TNFRSF14: variants seen among roughly 807,000 people sequenced by gnomAD.
The protein encoded by TNFRSF14 is tumor necrosis factor receptor superfamily member 14.
A neutral mutation model predicts 34.1 loss-of-function variants in TNFRSF14; 18 were observed. The observed-to-expected ratio is 0.53, with a 90% CI of 0.36 to 0.78. TNFRSF14 has a LOEUF of 0.78. Ranked by LOEUF, TNFRSF14 falls within the 30% of genes least tolerant of loss-of-function variation. The probability of loss-of-function intolerance (pLI) is 0.00; values close to 1 mark genes in which losing one functional copy is unlikely to be tolerated. For missense variants in TNFRSF14, 352 were observed against 379.5 expected, an observed-to-expected ratio of 0.93 and a Z score of 0.60; for synonymous variants, 157 against 153.2, an observed-to-expected ratio of 1.02 and a Z score of -0.18.
At chr1:2,559,026 T>C in intron 3 of TNFRSF14, 3 of 1,368,704 alleles carry the variant, frequency 2.2e-6, no homozygotes, top group Non-Finnish European at 2.9e-6. Context: ...CCAACGGCTC[T>C]GTCCCCTTGG....
intron 3 of TNFRSF14, 105 bp from the exon 4 acceptor site, chr1:2,559,718 G>A: frequency 6.5e-7 from 1 of 1,537,352 alleles, no homozygotes; most frequent in Non-Finnish European, 8.7e-7. Context: ...GTTCAGCCTG[G>A]CAGGGCGCCC....
At chr1:2,556,354 C>T (rs774102845), upstream of TNFRSF14, 9 of 638,072 alleles carry the variant, frequency 1.4e-5, no homozygotes, top group Admixed American at 4.2e-5. Flanking sequence ...TCGCCCCTCC[C>T]ATCGGGCGCC....
chr1:2,560,800 C>A lies in TNFRSF14; in HGVS notation c.551+86C>A, dbSNP rs1644297694. On this transcript the variant is annotated intron_variant, in intron 5 of 7. Transcript: ENST00000355716. ...CCTGGGAGATGACCGTCTTCTCCAG[C>A]AGAAAGGCTTGAAGGTCCCACCCTG... The A allele has an allele frequency of 3.8e-6, 5 of 1,301,384 alleles. No individual in the cohort carries two copies. The Admixed American group carries it at 5.9e-5, about 15-fold the overall frequency. 80.6% of individuals were successfully genotyped at this position (1,301,384 alleles called of 1,614,324 possible).
At chr1:2,556,105 G>T, upstream of TNFRSF14, 1 of 355,976 alleles carries the variant, frequency 2.8e-6, no homozygotes, top group Non-Finnish European at 5.5e-6. Flanking sequence ...ACTGAAATTG[G>T]CCAGACCGCA....
rs562107361 is a variant in TNFRSF14, at chr1:2,557,869, G to A, written c.178+35G>A. ...GCCCTTTGGCGGGCCAGCTCTGTGG[G>A]CCGAGGGCAGACACTCTTGCCCCCT... On this transcript the variant is annotated intron_variant, in intron 2 of 7. Coordinates refer to ENST00000355716, the MANE Select transcript of TNFRSF14 (RefSeq NM_003820.4). 3.3e-6 allele frequency: 5 copies of A among 1,532,128 alleles called. No homozygotes were observed. In the South Asian group the frequency reaches 4.7e-5, roughly 14 times the overall value. 94.9% of individuals were successfully genotyped at this position (1,532,128 alleles called of 1,614,324 possible). A position where few individuals can be genotyped will look rare whatever the true frequency, so the allele number is the denominator to read the frequency against.
chr1:2,558,381 A>G lies in TNFRSF14; in HGVS notation c.217A>G (p.Thr73Ala). Reference sequence around the variant, plus strand: ...GGAGGCCTGCGGGGAGCTGACGGGCACAGTGTGTGAACCCTGCCCTCCAGG... The same window carrying G: ...GGAGGCCTGCGGGGAGCTGACGGGCGCAGTGTGTGAACCCTGCCCTCCAGG... Reference protein sequence around the residue: ...VKEACGELTGTVCEPCPPGTY... With the variant: ...VKEACGELTGAVCEPCPPGTY... Residue 73 changes from threonine to alanine, a missense_variant, in exon 3 of 8, where the codon ACA (threonine) becomes GCA (alanine). By Grantham distance (58) the Thr-to-Ala change is moderately conservative. Coordinates refer to ENST00000355716, the MANE Select transcript of TNFRSF14 (RefSeq NM_003820.4). 1 of 1,612,514 alleles carries G rather than the reference A, an allele frequency of 6.2e-7. No individual in the cohort carries two copies. Among genetic ancestry groups the G allele is most frequent in the Admixed American group, 1.7e-5 (1 of 59,686 alleles).
chr1:2,558,361 C>A lies in TNFRSF14; in HGVS notation c.197C>A (p.Ala66Asp), dbSNP rs1445786232. 1 of 1,608,670 alleles carries A rather than the reference C, an allele frequency of 6.2e-7. No individual in the cohort carries two copies. Among genetic ancestry groups the A allele is most frequent in the Non-Finnish European group, 8.5e-7 (1 of 1,178,134 alleles). The part of the protein sequence containing the change: ...KCSPGYRVKE[A>D]CGELTGTVCE... ...GCGGCAGGTTATCGTGTGAAGGAGG[C>A]CTGCGGGGAGCTGACGGGCACAGTG... The change falls in exon 3 of 8, where the codon GCC (alanine) becomes GAC (aspartate). Residue 66 changes from alanine to aspartate, a missense_variant. Physicochemically the swap from Ala to Asp is moderately radical, Grantham distance 126. Coordinates refer to ENST00000355716, the MANE Select transcript of TNFRSF14 (RefSeq NM_003820.4).
At position 2,563,383 on chromosome 1, in the gene TNFRSF14, G is replaced by A. The variant is rs1644340593; in HGVS notation, c.*110G>A. ...CCCGGAGGCTTGGGGGCTCCGCCCTGGGCTGGCTTCCGTCTCCTCCAGTGG... is the reference window on the plus strand; with the variant it reads ...CCCGGAGGCTTGGGGGCTCCGCCCTAGGCTGGCTTCCGTCTCCTCCAGTGG... On this transcript the variant is annotated 3_prime_UTR_variant, in exon 8 of 8. Transcript: ENST00000355716. The A allele has an allele frequency of 3.9e-6, 6 of 1,528,196 alleles. No individual in the cohort carries two copies. In the South Asian group the frequency reaches 7.5e-5, roughly 19 times the overall value. 94.7% of individuals were successfully genotyped at this position (1,528,196 alleles called of 1,614,324 possible).
chr1:2,559,562 G>T, intron 3 of TNFRSF14: 1 of 1,524,004 alleles, frequency 6.6e-7, no homozygotes, highest in Non-Finnish European at 8.8e-7. Context: ...TGGGCAGAAG[G>T]CTGGTTTCTC....
chr1:2,562,082 T>C, intron 6 of TNFRSF14: 1 of 524,868 alleles, frequency 1.9e-6, no homozygotes, highest in Non-Finnish European at 3.4e-6. Flanking sequence ...CCTGTGCTCC[T>C]GCCTGCCCCC....
intron 2 of TNFRSF14, 53 bp from the exon 3 acceptor site, chr1:2,558,290 C>T: frequency 1.3e-6 from 2 of 1,554,826 alleles, no homozygotes; most frequent in Non-Finnish European, 1.7e-6. Context: ...GATGGGTGGG[C>T]TCCCGAAGGG....
upstream of TNFRSF14, chr1:2,556,262 G>A: frequency 1.9e-6 from 1 of 522,278 alleles, no homozygotes; most frequent in East Asian, 3.9e-5. Flanking sequence ...TGTGAGTGAG[G>A]TGGGGAAACA....
At chr1:2,562,137 G>C in intron 6 of TNFRSF14, 1 of 412,222 alleles carries the variant, frequency 2.4e-6, no homozygotes, top group South Asian at 4.0e-5. Flanking sequence ...GCTGGGAGAA[G>C]CTCTGGGCTG....
At position 2,561,861 on chromosome 1, in the gene TNFRSF14, C is replaced by A. The variant is rs771161583; in HGVS notation, c.694+46C>A. The A allele has an allele frequency of 2.5e-6, 4 of 1,580,070 alleles. 1 individual carries two copies. The South Asian group carries it at 3.4e-5, about 13-fold the overall frequency. ...TCAGGGCTCATGTCCCCAGCCGTCA[C>A]CTCTTGGAGCTCTGTCACCCCAAGC... On this transcript the variant is annotated intron_variant, in intron 6 of 7. Transcript: ENST00000355716. The surrounding 1 kb of genome is among the most constrained non-coding windows in gnomAD (Gnocchi z 6.0).
At chr1:2,556,841 G>A in intron 1 of TNFRSF14, 108 bp downstream of exon 1, 1 of 1,197,484 alleles carries the variant, frequency 8.4e-7, no homozygotes. Context: ...GCTGGCTCCG[G>A]CGTCCAGCCC....
At chr1:2,562,951 C>T in intron 7 of TNFRSF14, 55 bp downstream of exon 7, 1 of 1,516,588 alleles carries the variant, frequency 6.6e-7, no homozygotes, top group African/African-American at 1.4e-5. Context: ...CCTCCCCTCT[C>T]CCCGCTGGGG....
intron 3 of TNFRSF14, chr1:2,559,138 T>C: frequency 7.3e-7 from 1 of 1,362,740 alleles, no homozygotes; most frequent in Non-Finnish European, 9.7e-7. Context: ...GGCCTGAGCC[T>C]ACAGGGAGGC....
intron 5 of TNFRSF14, 118 bp downstream of exon 5, chr1:2,560,832 A>G: frequency 1.1e-6 from 1 of 877,884 alleles, no homozygotes; most frequent in South Asian, 1.6e-5. Flanking sequence ...CCTGAGCGGC[A>G]CCCTGGTCAC....
intron 3 of TNFRSF14, chr1:2,558,929 G>T: frequency 7.3e-7 from 1 of 1,364,916 alleles, no homozygotes; most frequent in Non-Finnish European, 9.7e-7. Flanking sequence ...CTGGAGGCTG[G>T]TGCCCACCTG....
Sources: gnomAD v4.1 joint callset for allele counts on GRCh38, gnomAD v4.1.1 for gene constraint, Gnocchi (gnomAD v3.1) non-coding constraint, MANE v1.5 for transcripts, NCBI Gene and HGNC (gene_info 2026-07-23, HGNC 2026-07-21) for gene names.